The following AGBL1 variants were observed in gnomAD, a reference collection of about 807,000 sequenced individuals.
AGBL1 encodes the protein cytosolic carboxypeptidase 4.
In AGBL1, 130 loss-of-function variants were observed where a neutral mutation model predicts 118.9. The ratio of observed to expected loss-of-function variants is 1.09; its 90% confidence interval spans 0.95 to 1.26. The LOEUF is 1.26. Among genes scored for constraint, AGBL1 ranks in the 50% most tolerant of loss-of-function variants. The probability of loss-of-function intolerance (pLI) is 0.00; values close to 1 mark genes in which losing one functional copy is unlikely to be tolerated. For synonymous variants in AGBL1, 555 were observed against 478.9 expected, an observed-to-expected ratio of 1.16 and a Z score of -2.08; for missense variants, 1,584 against 1,298.1, an observed-to-expected ratio of 1.22 and a Z score of -3.38.
intron 7 of AGBL1, 109 bp from the exon 8 acceptor site, chr15:86,256,744 C>T (rs1367423612): frequency 2.7e-6 from 3 of 1,125,420 alleles, no homozygotes; most frequent in South Asian, 3.1e-5. Context: ...AGCTGAAACA[C>T]AGCTAGGAGA....
At chr15:86,273,092 C>T (rs952119194) in intron 15 of AGBL1, among the ~76,000 whole-genome samples, 4 of 152,146 alleles carry the variant, frequency 2.6e-5, no homozygotes, top group African/African-American at 9.7e-5. Flanking sequence ...CTGGCTTGGA[C>T]CTGAAAGTTA....
At chr15:86,843,878 C>T (rs1357264905) in intron 22 of AGBL1, among the ~76,000 whole-genome samples, 1 of 151,896 alleles carries the variant, frequency 6.6e-6, no homozygotes, top group African/African-American at 2.4e-5. Context: ...TTGTGTCCGC[C>T]AGGAGTTAAT....
chr15:86,187,316 A>G (rs1317768663), intron 5 of AGBL1, among the ~76,000 whole-genome samples: 2 of 152,190 alleles, frequency 1.3e-5, no homozygotes, highest in African/African-American at 4.8e-5. Flanking sequence ...CCAAAATACA[A>G]CACAGATAAG....
At chr15:86,718,648 G>C (rs1381351228) in intron 22 of AGBL1, among the ~76,000 whole-genome samples, 1 of 152,150 alleles carries the variant, frequency 6.6e-6, no homozygotes. Flanking sequence ...GGAGGCATCC[G>C]ATGAGAAAGA....
At chr15:86,432,340 G>A (rs548816374) in intron 18 of AGBL1, among the ~76,000 whole-genome samples, 29 of 152,030 alleles carry the variant, frequency 1.9e-4, no homozygotes, top group African/African-American at 7.0e-4. Context: ...GGTTCCTCTG[G>A]GCCATGGCAG....
At chr15:86,981,562 C>T (rs1036444861) in intron 23 of AGBL1, among the ~76,000 whole-genome samples, 1 of 152,144 alleles carries the variant, frequency 6.6e-6, no homozygotes, top group Non-Finnish European at 1.5e-5. Flanking sequence ...CTTGTAAGTG[C>T]TCTTTACATA....
intron 21 of AGBL1, among the ~76,000 whole-genome samples, chr15:86,619,345 G>A (rs1242457320): frequency 6.6e-6 from 1 of 152,166 alleles, no homozygotes; most frequent in Non-Finnish European, 1.5e-5. Flanking sequence ...AGCCTTTTAA[G>A]ATCTACCCCT....
intron 21 of AGBL1, among the ~76,000 whole-genome samples, chr15:86,659,142 T>G (rs1024588487): frequency 6.6e-6 from 1 of 152,154 alleles, no homozygotes. Context: ...CCTGAAGATT[T>G]CTAGATTCTT....
At chr15:86,936,040 C>T (rs1378172934) in intron 23 of AGBL1, among the ~76,000 whole-genome samples, 2 of 152,242 alleles carry the variant, frequency 1.3e-5, no homozygotes, top group African/African-American at 4.8e-5. Context: ...GAGGCCGCCA[C>T]TGAGCAGCAG....
At chr15:86,173,643 T>C (rs2077443912) in intron 5 of AGBL1, among the ~76,000 whole-genome samples, 1 of 152,216 alleles carries the variant, frequency 6.6e-6, no homozygotes, top group Admixed American at 6.5e-5. Flanking sequence ...AGGGGTCTAG[T>C]TTCACTCTTC....
At chr15:86,184,429 C>CTTT (rs199807402) in intron 5 of AGBL1, among the ~76,000 whole-genome samples, 236 of 144,460 alleles carry the variant, frequency 1.6e-3, no homozygotes, top group Middle Eastern at 7.4e-3. Context: ...TTTCTTTTTT[C>CTTT]TTTCTTTTTT....
At chr15:86,131,620 G>T (rs973379823) in intron 1 of AGBL1, among the ~76,000 whole-genome samples, 3 of 152,012 alleles carry the variant, frequency 2.0e-5, no homozygotes, top group Non-Finnish European at 2.9e-5. Flanking sequence ...AGCAGTAAAT[G>T]GTGTCTGAAA....
intron 17 of AGBL1, among the ~76,000 whole-genome samples, chr15:86,368,087 C>G (rs112550673): frequency 6.6e-6 from 1 of 152,012 alleles, no homozygotes; most frequent in African/African-American, 2.4e-5. Context: ...TTCACGACTT[C>G]GGGATTTGTT....
chr15:86,349,785 T>C (rs2080597061), intron 17 of AGBL1, among the ~76,000 whole-genome samples: 1 of 152,168 alleles, frequency 6.6e-6, no homozygotes, highest in Non-Finnish European at 1.5e-5. Flanking sequence ...GCAAAGAAGT[T>C]CTGAAGTGAA....
chr15:86,965,865 C>T (rs1356288762), intron 23 of AGBL1, among the ~76,000 whole-genome samples: 4 of 151,842 alleles, frequency 2.6e-5, no homozygotes, highest in Admixed American at 6.6e-5. Context: ...GGTTGAGGGC[C>T]TAGGGGAGGG....
chr15:86,230,052 T>A (rs901596395), intron 6 of AGBL1, among the ~76,000 whole-genome samples: 3 of 151,750 alleles, frequency 2.0e-5, no homozygotes, highest in Non-Finnish European at 2.9e-5. Flanking sequence ...GAGGGAGAGA[T>A]GTAAAAGAGC....
chr15:86,666,472 A>G (rs7172487), intron 21 of AGBL1, among the ~76,000 whole-genome samples: 66,124 of 151,878 alleles, frequency 0.44, 15,152 homozygotes, highest in Middle Eastern at 0.58. Flanking sequence ...CAGTCTTCAA[A>G]TGAAGATAAT....
rs754816154 is a variant in AGBL1, at chr15:86,526,544, G to GTGTGTATATATATATA, written c.2685+3606_2685+3607insGTGTATATATATATAT. On this transcript the variant is annotated intron_variant, in intron 19 of 22. Coordinates refer to ENST00000614907, the MANE Select transcript of AGBL1 (RefSeq NM_001386094.1). ...TGCACACAGATATGTTTGTGTCTGT[G>GTGTGTATATATATATA]TATATATATATATATATATATATAT... Among the ~76,000 whole-genome samples, 429 of 119,386 alleles carry GTGTGTATATATATATA rather than the reference G, an allele frequency of 3.6e-3. 11 individuals carry two copies. Among genetic ancestry groups the GTGTGTATATATATATA allele is most frequent in the East Asian group, 0.022 (82 of 3,764 alleles). The allele number at this position is 119,386 out of a possible 152,430, so 78.3% of individuals were successfully genotyped here.
intron 5 of AGBL1, among the ~76,000 whole-genome samples, chr15:86,178,770 G>C (rs1243547397): frequency 2.0e-5 from 3 of 152,150 alleles, no homozygotes; most frequent in African/African-American, 4.8e-5. Context: ...AGCAGGCAAA[G>C]ACTTTACAAA....
Sources: gnomAD v4.1 joint callset for allele counts (sites outside exome capture counted in the v4.1 genomes callset) on GRCh38, gnomAD v4.1.1 for gene constraint, MANE v1.5 for transcripts, NCBI Gene and HGNC (gene_info 2026-07-23, HGNC 2026-07-21) for gene names.